The following CSMD2 variants were observed in gnomAD, a reference collection of about 807,000 sequenced individuals.
The protein encoded by CSMD2 is CUB and Sushi multiple domains 2, also known as CUB and sushi domain-containing protein 2.
Under a neutral mutation model 398.5 loss-of-function variants are expected in CSMD2, and 130 were observed. The ratio of observed to expected loss-of-function variants is 0.33; its 90% CI spans 0.28 to 0.38. CSMD2 has a LOEUF of 0.38. CSMD2 is among the 10% of genes least tolerant of loss of function. The pLI is 1.00. For synonymous variants in CSMD2, 1,828 were observed against 1,908.5 expected (o/e 0.96, Z 1.10); for missense variants, 3,829 against 4,764.9 (o/e 0.80, Z 5.78).
At chr1:33,571,383 CT>C (rs767720261) in intron 51 of CSMD2, 148 bp downstream of exon 51, 206 of 490,996 alleles carry the variant, frequency 4.2e-4, no homozygotes, top group Non-Finnish European at 4.4e-4. Flanking sequence ...TTCCCAGCTC[CT>C]GATTCTACTA....
intron 2 of CSMD2, among the ~76,000 whole-genome samples, chr1:34,056,755 C>T (rs1366776239): frequency 1.3e-5 from 2 of 152,154 alleles, no homozygotes; most frequent in Non-Finnish European, 2.9e-5. Context: ...TAAAACAAGA[C>T]CTGTGTTAAG....
chr1:33,600,850 G>A lies in CSMD2; in HGVS notation c.6856+15C>T. ...AAGCCTGGCCCTTCCCACCAGGCCAGGCTTCCATACTGACCGGAGAAAGCT... is the reference window on the plus strand; with the variant it reads ...AAGCCTGGCCCTTCCCACCAGGCCAAGCTTCCATACTGACCGGAGAAAGCT... On this transcript the variant is annotated intron_variant, in intron 44 of 70. Transcript: ENST00000373381. 1 of 1,613,958 alleles carries A rather than the reference G, an allele frequency of 6.2e-7. No individual in the cohort carries two copies. Among genetic ancestry groups the A allele is most frequent in the South Asian group, 1.1e-5 (1 of 91,056 alleles).
At chr1:33,566,658 T>C (rs1219247264) in intron 53 of CSMD2, among the ~76,000 whole-genome samples, 1 of 152,098 alleles carries the variant, frequency 6.6e-6, no homozygotes, top group Admixed American at 6.5e-5. Context: ...TCAAGCAAAG[T>C]ACAATTCTAG....
intron 1 of CSMD2, among the ~76,000 whole-genome samples, chr1:34,134,872 T>G (rs2148508125): frequency 6.6e-6 from 1 of 152,344 alleles, no homozygotes; most frequent in East Asian, 1.9e-4. Flanking sequence ...GAGCTACTTT[T>G]CTGATTTCCA....
At chr1:33,959,876 CT>C (rs1327688403) in intron 3 of CSMD2, among the ~76,000 whole-genome samples, 1 of 152,204 alleles carries the variant, frequency 6.6e-6, no homozygotes, top group Non-Finnish European at 1.5e-5. Flanking sequence ...GGCTTGCCCC[CT>C]GGCTGTCTCC....
At chr1:33,570,858 G>A (rs748866113) in intron 51 of CSMD2, among the ~76,000 whole-genome samples, 1 of 152,080 alleles carries the variant, frequency 6.6e-6, no homozygotes, top group Non-Finnish European at 1.5e-5. Context: ...GAGCTCCCTG[G>A]GGGGTGAGCT....
intron 44 of CSMD2, chr1:33,600,070 A>G (rs1570893450): frequency 1.5e-6 from 1 of 669,636 alleles, no homozygotes; most frequent in East Asian, 2.7e-5. Context: ...TTGCCTTACT[A>G]CCTCACAGAA....
intron 15 of CSMD2, among the ~76,000 whole-genome samples, chr1:33,732,878 TC>T (rs1646766136): frequency 6.6e-6 from 1 of 152,194 alleles, no homozygotes; most frequent in Non-Finnish European, 1.5e-5. Context: ...TGCTTTTGCT[TC>T]CCCTGTGTGT....
intron 5 of CSMD2, among the ~76,000 whole-genome samples, chr1:33,859,123 C>T (rs1639305860): frequency 6.6e-6 from 1 of 152,214 alleles, no homozygotes; most frequent in Admixed American, 6.5e-5. Context: ...TTTCCTATTG[C>T]TGCCTTAACA....
intron 3 of CSMD2, among the ~76,000 whole-genome samples, chr1:33,997,636 A>C (rs187326460): frequency 6.6e-6 from 1 of 152,194 alleles, no homozygotes; most frequent in Non-Finnish European, 1.5e-5. Context: ...CATTAGGAGT[A>C]TATTAACAAA....
At chr1:33,923,637 G>T (rs956003506) in intron 4 of CSMD2, among the ~76,000 whole-genome samples, 1 of 152,140 alleles carries the variant, frequency 6.6e-6, no homozygotes, top group African/African-American at 2.4e-5. Flanking sequence ...TATGTGTTGG[G>T]AACATTTCAA....
At chr1:33,548,786 G>T (rs1657151248) in intron 56 of CSMD2, among the ~76,000 whole-genome samples, 1 of 151,974 alleles carries the variant, frequency 6.6e-6, no homozygotes, top group Non-Finnish European at 1.5e-5. Flanking sequence ...TTTTCAGAGA[G>T]CTCCAGGGAG....
intron 5 of CSMD2, among the ~76,000 whole-genome samples, chr1:33,888,335 G>A (rs966282976): frequency 4.5e-4 from 69 of 152,034 alleles, no homozygotes; most frequent in African/African-American, 1.5e-3. Context: ...TAATAATGAA[G>A]GAGGTCTTTT....
intron 44 of CSMD2, chr1:33,592,287 G>C: frequency 1.4e-6 from 1 of 697,558 alleles, no homozygotes; most frequent in African/African-American, 1.8e-5. Flanking sequence ...GCAATCCATT[G>C]CACTTGGATT....
chr1:33,550,102 C>T, intron 56 of CSMD2, 75 bp downstream of exon 56: 3 of 1,483,002 alleles, frequency 2.0e-6, no homozygotes, highest in Non-Finnish European at 2.8e-6. Context: ...ATCACACTCA[C>T]ACCTTGGGGG....
In CSMD2 at chr1:33,820,575, A is replaced by AAC. The variant is rs765390971; in HGVS notation, c.1112-20_1112-19insGT. 7 of 1,170,482 alleles carry AAC rather than the reference A, an allele frequency of 6.0e-6. No individual in the cohort carries two copies. The highest frequency in any genetic ancestry group is 1.9e-5 in the Admixed American group (1 of 53,018). The allele number at this position is 1,170,482 out of a possible 1,614,324, so 72.5% of individuals were successfully genotyped here. A position where few individuals can be genotyped will look rare whatever the true frequency, so the allele number is the denominator to read the frequency against. ...TGAGTTACTACAAGGCAAAAAAAAA[A>AAC]AAAAAAAAAAAAACAGCACACACAG... is the stretch of plus-strand genomic sequence containing the variant. On this transcript the variant is annotated intron_variant, in intron 7 of 70. Transcript: ENST00000373381.
intron 13 of CSMD2, among the ~76,000 whole-genome samples, chr1:33,748,980 C>A: frequency 6.6e-6 from 1 of 151,168 alleles, no homozygotes; most frequent in East Asian, 1.9e-4. Flanking sequence ...ATAAACTAGA[C>A]ATCAATAAGA....
At chr1:33,719,141 A>G (rs1646271764) in intron 19 of CSMD2, among the ~76,000 whole-genome samples, 1 of 152,224 alleles carries the variant, frequency 6.6e-6, no homozygotes, top group African/African-American at 2.4e-5. Context: ...CTTGATGTGA[A>G]AAGGCTTGTG....
At chr1:33,547,153 C>T (rs1479035870) in intron 56 of CSMD2, among the ~76,000 whole-genome samples, 1 of 152,184 alleles carries the variant, frequency 6.6e-6, no homozygotes, top group Non-Finnish European at 1.5e-5. Context: ...CACCCCCTTC[C>T]TCTTGCTACA....
Sources: gnomAD v4.1 joint callset for allele counts (sites outside exome capture counted in the v4.1 genomes callset) on GRCh38, gnomAD v4.1.1 for gene constraint, MANE v1.5 for transcripts, NCBI Gene and HGNC (gene_info 2026-07-23, HGNC 2026-07-21) for gene names.